PRXL2A: variants seen among roughly 807,000 people sequenced by gnomAD.
The protein encoded by PRXL2A is peroxiredoxin like 2A, also known as peroxiredoxin-like 2A.
Under a neutral mutation model 25.6 loss-of-function variants are expected in PRXL2A, and 26 were observed. That is an observed-to-expected ratio of 1.02 (90% CI 0.74 to 1.41). The LOEUF is 1.41. Ranked by LOEUF, PRXL2A falls within the 40% of genes most tolerant of loss-of-function variation. The pLI, the probability that PRXL2A is intolerant of heterozygous loss-of-function variation, is 0.00. For synonymous variants in PRXL2A, 98 were observed against 102.9 expected, an observed-to-expected ratio of 0.95 and a Z score of 0.29; for missense variants, 246 against 273.9, an observed-to-expected ratio of 0.90 and a Z score of 0.72.
chr10:80,420,664 G>C lies in PRXL2A; in HGVS notation c.178+19G>C, dbSNP rs1399947263. 2.6e-6 allele frequency: 4 copies of C among 1,550,386 alleles called. No individual in the cohort carries two copies. In the African/African-American group the frequency reaches 5.5e-5, roughly 21 times the overall value. On this transcript the variant is annotated intron_variant, in intron 2 of 5. Transcript: ENST00000606162. ...GAGAAGGGTAAGTGGTGACCCTTCA[G>C]GTCTCAGTACTTTTCCAAGGAGCTG... is the stretch of plus-strand genomic sequence containing the variant.
chr10:80,424,571 CAAAA>C (rs35230786), intron 3 of PRXL2A, among the ~76,000 whole-genome samples: 2 of 133,226 alleles, frequency 1.5e-5, no homozygotes, highest in East Asian at 2.3e-4. Context: ...GGGCAAGACT[CAAAA>C]AAAAAAAAGG....
chr10:80,422,553 G>A (rs1183567382), intron 3 of PRXL2A, 45 bp downstream of exon 3: 2 of 1,496,340 alleles, frequency 1.3e-6, no homozygotes, highest in East Asian at 4.5e-5. Context: ...ATCCTGGCAA[G>A]TAGGGGCCAT....
At chr10:80,420,319 C>T (rs1844818863) in intron 1 of PRXL2A, 147 bp from the exon 2 acceptor site, 3 of 1,409,842 alleles carry the variant, frequency 2.1e-6, no homozygotes, top group Non-Finnish European at 1.8e-6. Flanking sequence ...CTTAGCAGCC[C>T]TTGTCCAGTC....
At chr10:80,418,759 G>A (rs1844755538) in intron 1 of PRXL2A, among the ~76,000 whole-genome samples, 1 of 152,170 alleles carries the variant, frequency 6.6e-6, no homozygotes, top group South Asian at 2.1e-4. Context: ...TATTGTAAGT[G>A]GTTGTTGGGA....
chr10:80,409,176 C>T, intron 1 of PRXL2A: 3 of 623,374 alleles, frequency 4.8e-6, no homozygotes, highest in Non-Finnish European at 6.0e-6. Flanking sequence ...CACCTGTTCC[C>T]CCTCTTTCCC....
chr10:80,422,512 A>G lies in PRXL2A; in HGVS notation c.270+4A>G. On this transcript the variant is annotated splice_donor_region_variant and intron_variant, in intron 3 of 5. Transcript: ENST00000606162. ...AGGCTGTTTCCTCTGTCGAGAGGTG[A>G]GTGCAGATGAGGATCTATTCAGAGA... The G allele has an allele frequency of 1.9e-6, 3 of 1,611,020 alleles. No individual in the cohort carries two copies. The highest frequency in any genetic ancestry group is 2.2e-5 in the South Asian group (2 of 90,968).
rs1253835964 is a variant in PRXL2A at position 80,425,968 on chromosome 10, C to T, written c.373C>T (p.Gln125Ter). Residue 125 changes from glutamine to a stop codon, truncating the protein, a stop_gained, in exon 4 of 6, where the codon CAG (glutamine) becomes TAG (stop). Coordinates refer to ENST00000606162, the MANE Select transcript of PRXL2A (RefSeq NM_032333.5). LOFTEE classifies it high-confidence loss of function. ...EHIRTEVKDF[Q>*]PYFKGEIFLD... ...CATCAGGACTGAAGTGAAGGATTTC[C>T]AGCCTTATTTCAAAGGAGAAATCTT... 13 of 1,614,114 alleles carry T rather than the reference C, an allele frequency of 8.1e-6. No individual in the cohort carries two copies. Among genetic ancestry groups the T allele is most frequent in the Non-Finnish European group, 8.5e-6 (10 of 1,180,038 alleles).
At chr10:80,421,078 T>C (rs917985310) in intron 2 of PRXL2A, among the ~76,000 whole-genome samples, 1 of 152,150 alleles carries the variant, frequency 6.6e-6, no homozygotes, top group African/African-American at 2.4e-5. Context: ...AGTGAACAAG[T>C]ATGGGAGACA....
chr10:80,429,856 G>C (rs887428595), intron 5 of PRXL2A, among the ~76,000 whole-genome samples: 3 of 152,146 alleles, frequency 2.0e-5, no homozygotes, highest in Non-Finnish European at 4.4e-5. Flanking sequence ...GGCAGGGCTT[G>C]GCATGCCTGC....
intron 5 of PRXL2A, among the ~76,000 whole-genome samples, chr10:80,429,209 G>A (rs74143111): frequency 0.017 from 2,650 of 152,128 alleles, 78 homozygotes; most frequent in African/African-American, 0.061. Flanking sequence ...TAACTGATTC[G>A]CTTGACTATA....
chr10:80,408,069 T>TG (rs1844332199), upstream of PRXL2A: 1 of 150,852 alleles, frequency 6.6e-6, no homozygotes, highest in South Asian at 2.1e-4. Context: ...AAAGGGAACG[T>TG]GGGTGGAGGA....
At chr10:80,417,718 A>G (rs1411488169) in intron 1 of PRXL2A, among the ~76,000 whole-genome samples, 1 of 144,028 alleles carries the variant, frequency 6.9e-6, no homozygotes, top group Non-Finnish European at 1.5e-5. Flanking sequence ...TACCCCCGTT[A>G]CCTGGAACTT....
At chr10:80,429,562 T>TCCTGC (rs1242537403) in intron 5 of PRXL2A, among the ~76,000 whole-genome samples, 3 of 46,058 alleles carry the variant, frequency 6.5e-5, no homozygotes, top group African/African-American at 1.6e-4. Context: ...CCCTAGCCTC[T>TCCTGC]CCTGCCCTGC....
rs1208162196 is a variant in PRXL2A, at chr10:80,435,000, G to T, written c.*2901G>T. 1 of 152,282 alleles carries T rather than the reference G, an allele frequency of 6.6e-6. No homozygotes were observed. The highest frequency in any genetic ancestry group is 1.5e-5 in the Non-Finnish European group (1 of 68,094). 9.4% of individuals were successfully genotyped at this position (152,282 alleles called of 1,614,324 possible). ...TGGCCAAGGTGGGTGCATCACCTGA[G>T]GTCAGGAGTTCAAGAGCAGCCTGGC... On this transcript the variant is annotated 3_prime_UTR_variant, in exon 6 of 6. Coordinates refer to ENST00000606162, the MANE Select transcript of PRXL2A (RefSeq NM_032333.5).
chr10:80,425,528 G>A (rs1313539882), intron 3 of PRXL2A, among the ~76,000 whole-genome samples: 1 of 152,254 alleles, frequency 6.6e-6, no homozygotes, highest in Non-Finnish European at 1.5e-5. Flanking sequence ...GATCTTTTTA[G>A]AACGGGGATA....
intron 4 of PRXL2A, 136 bp downstream of exon 4, chr10:80,426,142 C>CTT: frequency 3.0e-6 from 3 of 1,011,414 alleles, no homozygotes; most frequent in Non-Finnish European, 4.5e-6. Context: ...CTTGCAAGGC[C>CTT]TTTTTCAGCC....
In PRXL2A at chr10:80,432,058, A is replaced by G. The variant is rs1395371428; in HGVS notation, c.649A>G (p.Lys217Glu). ...CCTACTTTCTGTTCTGGAAGCTGCT[A>G]AGATGATCAAACCACAGACTTTGGC... ...VNLLSVLEAA[K>E]MIKPQTLASE... The change falls in exon 6 of 6, where the codon AAG (lysine) becomes GAG (glutamate). Residue 217 changes from lysine to glutamate, a missense_variant. By Grantham distance (56) the Lys-to-Glu change is moderately conservative (BLOSUM62 1). Transcript: ENST00000606162. 4 of 1,610,732 alleles carry G rather than the reference A, an allele frequency of 2.5e-6. No individual in the cohort carries two copies. The highest frequency in any genetic ancestry group is 1.3e-5 in the African/African-American group (1 of 74,464).
intron 4 of PRXL2A, 56 bp from the exon 5 acceptor site, chr10:80,427,273 CCTT>C: frequency 6.6e-7 from 1 of 1,515,162 alleles, no homozygotes; most frequent in Non-Finnish European, 9.1e-7. Context: ...AGCGTTTCCT[CCTT>C]GAGGAAGGCA....
rs1845326137 is a variant in PRXL2A at position 80,433,297 on chromosome 10, A to C, written c.*1198A>C. On this transcript the variant is annotated 3_prime_UTR_variant, in exon 6 of 6. Transcript: ENST00000606162. ...GAAGAAAGGACATAGAGATGATGAA[A>C]TATAACTTTATCTTTTTTGTTTGAA... 6.6e-6 allele frequency: 1 copy of C among 152,236 alleles called. No individual in the cohort carries two copies. Among genetic ancestry groups the C allele is most frequent in the African/African-American group, 2.4e-5 (1 of 41,452 alleles). The allele number at this position is 152,236 out of a possible 1,614,324, so 9.4% of individuals were successfully genotyped here.
Sources: allele counts gnomAD v4.1 joint callset (sites outside exome capture counted in the v4.1 genomes callset), GRCh38; gene constraint gnomAD v4.1.1; transcripts MANE v1.5; gene names NCBI Gene and HGNC (gene_info 2026-07-23, HGNC 2026-07-21).